Variants in DIP2B observed in about 807,000 individuals in gnomAD.
DIP2B encodes disco-interacting protein 2 homolog B.
In DIP2B, 76 loss-of-function variants were observed where a neutral mutation model predicts 198.0. That is an observed-to-expected ratio of 0.38 (90% CI 0.32 to 0.46). The LOEUF is 0.46. DIP2B is among the 20% of genes least tolerant of loss of function. The pLI is 0.99. For missense variants in DIP2B, 1,559 were observed against 1,978.4 expected, an observed-to-expected ratio of 0.79 and a Z score of 4.02; for synonymous variants, 701 against 739.1, an observed-to-expected ratio of 0.95 and a Z score of 0.84.
Position 50,741,446 on chromosome 12 carries a change from C to T in DIP2B, c.4385C>T (p.Ala1462Val), listed in dbSNP as rs1228858686. The change falls in exon 37 of 38, where the codon GCG becomes GTG. Residue 1462 changes from alanine to valine, a missense_variant. Coordinates refer to ENST00000301180, the MANE Select transcript of DIP2B (RefSeq NM_173602.3). Reference sequence around the variant, plus strand: ...CATGATGCATTGTATGTGGTGGGAGCGCTGGATGAAACACTGGAGCTGAGA... The same window carrying T: ...CATGATGCATTGTATGTGGTGGGAGTGCTGGATGAAACACTGGAGCTGAGA... ...ERHDALYVVG[A>V]LDETLELRGL... The T allele has an allele frequency of 3.7e-6, 6 of 1,614,024 alleles. No homozygotes were observed. Among genetic ancestry groups the T allele is most frequent in the South Asian group, 3.3e-5 (3 of 91,068 alleles).
intron 1 of DIP2B, among the ~76,000 whole-genome samples, chr12:50,547,675 G>A (rs979710207): frequency 7.2e-5 from 11 of 152,158 alleles, no homozygotes; most frequent in Admixed American, 2.6e-4. Context: ...TCTACTAAAA[G>A]AGCTAGAGCT....
In DIP2B at chr12:50,731,534, A is replaced by C; in HGVS notation, c.3807A>C (p.Leu1269=). Residue 1269 remains leucine (L), a synonymous_variant, in exon 31 of 38, where the codon CTA becomes CTC. Coordinates refer to ENST00000301180, the MANE Select transcript of DIP2B (RefSeq NM_173602.3). The part of the protein sequence containing the change: ...TKGLGNQVEV[L]KTRGINLSCV... ...GTCTTGGGAACCAAGTGGAAGTGCTAAAGGTAAGAAGCAGCTCCAGCAGGT... is the reference window on the plus strand; with the variant it reads ...GTCTTGGGAACCAAGTGGAAGTGCTCAAGGTAAGAAGCAGCTCCAGCAGGT... 2 of 1,611,512 alleles carry C rather than the reference A, an allele frequency of 1.2e-6. No homozygotes were observed. The highest frequency in any genetic ancestry group is 1.7e-6 in the Non-Finnish European group (2 of 1,178,462).
At chr12:50,688,816 A>G (rs1939174557) in intron 12 of DIP2B, among the ~76,000 whole-genome samples, 1 of 152,138 alleles carries the variant, frequency 6.6e-6, no homozygotes, top group South Asian at 2.1e-4. Context: ...CTCATTGGCC[A>G]TTCCTTCAGT....
intron 1 of DIP2B, among the ~76,000 whole-genome samples, chr12:50,559,728 C>CACAG (rs1555184077): frequency 6.6e-6 from 1 of 151,764 alleles, no homozygotes; most frequent in African/African-American, 2.4e-5. Flanking sequence ...CACACACACA[C>CACAG]ACACACACAC....
intron 4 of DIP2B, among the ~76,000 whole-genome samples, chr12:50,665,321 T>G (rs965089528): frequency 3.3e-4 from 51 of 152,340 alleles, no homozygotes; most frequent in African/African-American, 1.2e-3. Flanking sequence ...GAAGGGCAGA[T>G]TTAGAGATAA....
intron 1 of DIP2B, among the ~76,000 whole-genome samples, chr12:50,591,840 A>T (rs1279249838): frequency 6.6e-6 from 1 of 151,238 alleles, no homozygotes; most frequent in Non-Finnish European, 1.5e-5. Context: ...AGGGGACTAA[A>T]ACGATATTGT....
chr12:50,570,888 A>G (rs779372950), intron 1 of DIP2B, among the ~76,000 whole-genome samples: 2 of 152,244 alleles, frequency 1.3e-5, no homozygotes, highest in African/African-American at 4.8e-5. Flanking sequence ...TTATTCTCTC[A>G]GAAATTTTGG....
At chr12:50,701,930 GTTATAA>G (rs1217200141) in intron 19 of DIP2B, among the ~76,000 whole-genome samples, 13 of 152,000 alleles carry the variant, frequency 8.6e-5, no homozygotes, top group Non-Finnish European at 1.8e-4. Flanking sequence ...ATTTAGTGTT[GTTATAA>G]TTATTATTTT....
Position 50,714,582 on chromosome 12 carries a change from G to A in DIP2B, c.2837G>A (p.Arg946Gln), listed in dbSNP as rs772195635. ...HTCVTNLPKP[R>Q]QKQPGVGPAS... ...TGTGTGACAAACTTGCCAAAGCCCC[G>A]GCAAAAACAACCAGGTAATATGCTG... is the stretch of plus-strand genomic sequence containing the variant. Residue 946 changes from arginine (R) to glutamine (Q), a missense_variant, in exon 23 of 38, where the codon CGG becomes CAG. By Grantham distance (43) the Arg-to-Gln change is conservative. Coordinates refer to ENST00000301180, the MANE Select transcript of DIP2B (RefSeq NM_173602.3). 7 of 1,613,934 alleles carry A rather than the reference G, an allele frequency of 4.3e-6. No individual in the cohort carries two copies. The highest frequency in any genetic ancestry group is 1.7e-4 in the Middle Eastern group (1 of 6,058).
chr12:50,589,484 T>G (rs1958800724), intron 1 of DIP2B, among the ~76,000 whole-genome samples: 1 of 152,114 alleles, frequency 6.6e-6, no homozygotes, highest in South Asian at 2.1e-4. Context: ...CAGCCATTAA[T>G]TTAAAATTTG....
intron 1 of DIP2B, among the ~76,000 whole-genome samples, chr12:50,578,602 G>T (rs986009529): frequency 7.3e-5 from 11 of 150,466 alleles, no homozygotes; most frequent in African/African-American, 2.2e-4. Flanking sequence ...CGGCCTCCCG[G>T]GTTCATGCCA....
At chr12:50,576,831 C>T (rs1262142777) in intron 1 of DIP2B, among the ~76,000 whole-genome samples, 2 of 151,684 alleles carry the variant, frequency 1.3e-5, no homozygotes, top group Non-Finnish European at 2.9e-5. Flanking sequence ...TAGGTCGAGT[C>T]CTATTAATTC....
intron 3 of DIP2B, among the ~76,000 whole-genome samples, chr12:50,647,047 T>G (rs1472850716): frequency 1.6e-5 from 2 of 126,104 alleles, no homozygotes; most frequent in East Asian, 5.5e-4. Flanking sequence ...TGTTTGTCTT[T>G]TTTTGGGGGG....
intron 23 of DIP2B, among the ~76,000 whole-genome samples, chr12:50,716,154 A>G (rs907304188): frequency 1.3e-5 from 2 of 152,156 alleles, no homozygotes; most frequent in African/African-American, 4.8e-5. Context: ...GTTTACATAA[A>G]TACACTCTGA....
At chr12:50,654,704 C>T (rs1350317690) in intron 3 of DIP2B, among the ~76,000 whole-genome samples, 8 of 152,090 alleles carry the variant, frequency 5.3e-5, no homozygotes. Context: ...AAAAAATGGC[C>T]AAGTGACATG....
At chr12:50,684,652 T>C (rs1939103081) in intron 10 of DIP2B, among the ~76,000 whole-genome samples, 1 of 148,396 alleles carries the variant, frequency 6.7e-6, no homozygotes, top group Non-Finnish European at 1.5e-5. Context: ...ATTAGCCAGG[T>C]GTGATGGCAC....
chr12:50,714,607 G>A lies in DIP2B; in HGVS notation c.2851+11G>A. On this transcript the variant is annotated intron_variant, in intron 23 of 37. Coordinates refer to ENST00000301180, the MANE Select transcript of DIP2B (RefSeq NM_173602.3). ...GGCAAAAACAACCAGGTAATATGCT[G>A]GCTTCCAAGACCTGGCACTAAAATT... 1.2e-6 allele frequency: 2 copies of A among 1,613,822 alleles called. No homozygotes were observed. The highest frequency in any genetic ancestry group is 1.3e-5 in the African/African-American group (1 of 75,028).
At chr12:50,565,210 T>C (rs1212090005) in intron 1 of DIP2B, among the ~76,000 whole-genome samples, 1 of 152,080 alleles carries the variant, frequency 6.6e-6, no homozygotes, top group Non-Finnish European at 1.5e-5. Flanking sequence ...TTGGTCAGGC[T>C]TGTCTTGAAC....
In DIP2B at chr12:50,735,022, C is replaced by T. The variant is rs370402809; in HGVS notation, c.4044-51C>T. The T allele has an allele frequency of 4.1e-3, 6,649 of 1,605,012 alleles. 21 individuals are homozygous for T. The highest frequency in any genetic ancestry group is 4.6e-3 in the Non-Finnish European group (5,409 of 1,171,916). Reference sequence around the variant, plus strand: ...GCAGCACCGAGCTGCAGGAACATGGCGACTTCTCCTCTTAAAAGCCCTATA... The same window carrying T: ...GCAGCACCGAGCTGCAGGAACATGGTGACTTCTCCTCTTAAAAGCCCTATA... On this transcript the variant is annotated intron_variant, in intron 33 of 37. Coordinates refer to ENST00000301180, the MANE Select transcript of DIP2B (RefSeq NM_173602.3).
Sources: allele counts gnomAD v4.1 joint callset (sites outside exome capture counted in the v4.1 genomes callset), GRCh38; gene constraint gnomAD v4.1.1; transcripts MANE v1.5; gene names NCBI Gene and HGNC (gene_info 2026-07-23, HGNC 2026-07-21).